USP38: variants seen among roughly 807,000 people sequenced by gnomAD.
USP38 encodes the protein ubiquitin carboxyl-terminal hydrolase 38.
Under a neutral mutation model 94.3 loss-of-function variants are expected in USP38, and 49 were observed. That is an observed-to-expected ratio of 0.52 (90% CI 0.41 to 0.66). The LOEUF (loss-of-function observed/expected upper bound fraction) is 0.66. Among genes scored for constraint, USP38 ranks in the 30% least tolerant of loss-of-function variants. The pLI is 0.00. For missense variants in USP38, 1,128 were observed against 1,229.4 expected, an observed-to-expected ratio of 0.92 and a Z score of 1.23; for synonymous variants, 468 against 463.6, an observed-to-expected ratio of 1.01 and a Z score of -0.12.
intron 9 of USP38, among the ~76,000 whole-genome samples, chr4:143,219,487 A>G (rs1732269565): frequency 1.3e-5 from 2 of 152,080 alleles, no homozygotes; most frequent in East Asian, 1.9e-4. Flanking sequence ...ATTAATGTTA[A>G]CTGTATTTTG....
At chr4:143,192,475 T>C (rs1018695361) in intron 2 of USP38, among the ~76,000 whole-genome samples, 2 of 152,036 alleles carry the variant, frequency 1.3e-5, no homozygotes, top group Non-Finnish European at 2.9e-5. Context: ...TCAGTTGCTT[T>C]CTGAAAGAGT....
At chr4:143,205,260 T>C (rs527827525) in intron 5 of USP38, among the ~76,000 whole-genome samples, 1 of 152,280 alleles carries the variant, frequency 6.6e-6, no homozygotes, top group South Asian at 2.1e-4. Context: ...ACAACAAAAA[T>C]GAGAAGATTG....
intron 9 of USP38, among the ~76,000 whole-genome samples, chr4:143,219,843 T>C (rs1158365941): frequency 1.3e-5 from 2 of 152,098 alleles, no homozygotes; most frequent in Non-Finnish European, 2.9e-5. Flanking sequence ...GTTTTCCTGA[T>C]AAGGAAACAT....
At chr4:143,199,701 T>TGTG (rs1731656060) in intron 4 of USP38, among the ~76,000 whole-genome samples, 1 of 152,190 alleles carries the variant, frequency 6.6e-6, no homozygotes, top group Non-Finnish European at 1.5e-5. Context: ...GGTAGTTCAT[T>TGTG]GTGGTTTTGA....
At chr4:143,210,714 T>G (rs1304546310) in intron 7 of USP38, among the ~76,000 whole-genome samples, 14 of 151,956 alleles carry the variant, frequency 9.2e-5, no homozygotes, top group African/African-American at 3.4e-4. Context: ...TTTCATTGCC[T>G]TTATCTCACA....
intron 5 of USP38, among the ~76,000 whole-genome samples, chr4:143,205,148 CAG>C (rs547834026): frequency 1.1e-4 from 16 of 152,284 alleles, no homozygotes; most frequent in African/African-American, 3.6e-4. Flanking sequence ...TTTAGTTCAT[CAG>C]AGTTTTTCAT....
intron 9 of USP38, chr4:143,215,378 G>A (rs1441246336): frequency 1.2e-5 from 2 of 160,468 alleles, no homozygotes; most frequent in African/African-American, 4.8e-5. Context: ...ACACTAAAAT[G>A]TAGACTATGT....
intron 4 of USP38, among the ~76,000 whole-genome samples, chr4:143,199,146 G>T (rs114326657): frequency 0.038 from 5,823 of 151,934 alleles, 346 homozygotes; most frequent in African/African-American, 0.13. Context: ...CACTCTCCCC[G>T]CTCAAGTAGA....
intron 9 of USP38, among the ~76,000 whole-genome samples, chr4:143,218,284 TTG>T (rs1211758312): frequency 6.6e-6 from 1 of 152,140 alleles, no homozygotes; most frequent in Non-Finnish European, 1.5e-5. Flanking sequence ...TGAAAATTAT[TTG>T]TCTCAAGGAG....
At chr4:143,208,950 C>T (rs72721005) in intron 6 of USP38, among the ~76,000 whole-genome samples, 9,296 of 148,150 alleles carry the variant, frequency 0.063, 376 homozygotes, top group Middle Eastern at 0.11. Flanking sequence ...CATTTTTTAC[C>T]GGATGGATAC....
At position 143,214,257 on chromosome 4, in the gene USP38, C is replaced by A; in HGVS notation, c.2281C>A (p.Leu761Ile). 19 of 1,613,400 alleles carry A rather than the reference C, an allele frequency of 1.2e-5. No homozygotes were observed. The highest frequency in any genetic ancestry group is 1.5e-5 in the Non-Finnish European group (18 of 1,179,782). The stretch of plus-strand genomic sequence containing the variant: ...GCAAATCACGGAGGAACCTGAATAC[C>A]TTATTCTTACTCTCCTGAGATTTTC... ...TMQITEEPEY[L>I]ILTLLRFSYD... The change falls in exon 9 of 10, where the codon CTT becomes ATT. Residue 761 changes from leucine to isoleucine, a missense_variant. Leu to Ile is a conservative substitution (Grantham distance 5). Coordinates refer to ENST00000307017, the MANE Select transcript of USP38 (RefSeq NM_032557.6).
chr4:143,190,530 T>A (rs960491758), intron 2 of USP38, among the ~76,000 whole-genome samples: 1 of 152,142 alleles, frequency 6.6e-6, no homozygotes, highest in Non-Finnish European at 1.5e-5. Context: ...CTTATCTTCA[T>A]GGCCTGATGT....
In USP38 at chr4:143,214,950, T is replaced by C. The variant is rs769697818; in HGVS notation, c.2967+7T>C. On this transcript the variant is annotated splice_region_variant and intron_variant, in intron 9 of 9. Transcript: ENST00000307017. ...CAATAAACTATATTTACAGGTAAGTTGGAAATACAAGCTTTATTTGTTGAA... is the reference window on the plus strand; with the variant it reads ...CAATAAACTATATTTACAGGTAAGTCGGAAATACAAGCTTTATTTGTTGAA... 6.2e-6 allele frequency: 10 copies of C among 1,606,552 alleles called. No individual in the cohort carries two copies. In the South Asian group the frequency reaches 1.1e-4, roughly 18 times the overall value.
At chr4:143,199,131 C>T (rs1731636961) in intron 4 of USP38, among the ~76,000 whole-genome samples, 1 of 152,132 alleles carries the variant, frequency 6.6e-6, no homozygotes, top group Non-Finnish European at 1.5e-5. Context: ...TCCTCTACCT[C>T]CTCCCACTCT....
intron 8 of USP38, among the ~76,000 whole-genome samples, chr4:143,213,335 A>G (rs1379958522): frequency 6.6e-6 from 1 of 152,188 alleles, no homozygotes; most frequent in Non-Finnish European, 1.5e-5. Flanking sequence ...ATTAACTGCA[A>G]TGTAATACAT....
intron 6 of USP38, among the ~76,000 whole-genome samples, chr4:143,209,138 T>C (rs1301457844): frequency 6.6e-6 from 1 of 152,194 alleles, no homozygotes; most frequent in Non-Finnish European, 1.5e-5. Context: ...AACCTATTTG[T>C]ATTTGCTAAT....
chr4:143,220,180 T>C lies in USP38; in HGVS notation c.2968-115T>C, dbSNP rs958865872. The C allele has an allele frequency of 7.8e-6, 9 of 1,154,934 alleles. No individual in the cohort carries two copies. The African/African-American group carries it at 1.4e-4, about 18-fold the overall frequency. 71.5% of individuals were successfully genotyped at this position (1,154,934 alleles called of 1,614,324 possible). ...TTAGGTGCTTTAGTTTCAAAGTTAT[T>C]GAGATTTGAAGAATGTTTATAAGGA... On this transcript the variant is annotated intron_variant, in intron 9 of 9. Transcript: ENST00000307017.
At chr4:143,219,065 A>G (rs1420669181) in intron 9 of USP38, among the ~76,000 whole-genome samples, 1 of 152,124 alleles carries the variant, frequency 6.6e-6, no homozygotes, top group Non-Finnish European at 1.5e-5. Flanking sequence ...AGAGCCAGCA[A>G]TTTTAAATGT....
Position 143,206,047 on chromosome 4 carries a change from C to T in USP38, c.1224C>T (p.Pro408=). Reference sequence around the variant, plus strand: ...ATGACCTATAGGATTTTCCTAAGCCCAGTGAAGAGAAGATTAAGTTAATTC... The same window carrying T: ...ATGACCTATAGGATTTTCCTAAGCCTAGTGAAGAGAAGATTAAGTTAATTC... ...ILEAIKDFPK[P]SEEKIKLILN... The change falls in exon 6 of 10, where the codon CCC becomes CCT. Residue 408 remains proline (P), a synonymous_variant. Coordinates refer to ENST00000307017, the MANE Select transcript of USP38 (RefSeq NM_032557.6). 1 of 1,597,556 alleles carries T rather than the reference C, an allele frequency of 6.3e-7. No homozygotes were observed. The highest frequency in any genetic ancestry group is 8.5e-7 in the Non-Finnish European group (1 of 1,172,866).
Sources: gnomAD v4.1 joint callset for allele counts (sites outside exome capture counted in the v4.1 genomes callset) on GRCh38, gnomAD v4.1.1 for gene constraint, MANE v1.5 for transcripts, NCBI Gene and HGNC (gene_info 2026-07-23, HGNC 2026-07-21) for gene names.